The following OSTN variants were observed in gnomAD, a reference collection of about 807,000 sequenced individuals.
The protein encoded by OSTN is osteocrin.
Under a neutral mutation model 12.0 loss-of-function variants are expected in OSTN, and 9 were observed. The ratio of observed to expected loss-of-function variants is 0.75; its 90% confidence interval spans 0.45 to 1.30. The LOEUF is 1.30. OSTN is among the 50% of genes most tolerant of loss of function. OSTN has a pLI of 0.00. For synonymous variants in OSTN, 59 were observed against 56.9 expected (o/e 1.04, Z -0.16); for missense variants, 148 against 152.3 (o/e 0.97, Z 0.15).
rs145310617 is a variant in OSTN at position 191,222,694 on chromosome 3, C to A, written c.317+3733C>A. Among the ~76,000 whole-genome samples the A allele has an allele frequency of 1.7e-3, 256 of 152,052 alleles. 1 individual carries two copies. The highest frequency in any genetic ancestry group is 5.7e-3 in the African/African-American group (237 of 41,476). On this transcript the variant is annotated intron_variant, in intron 3 of 4. Transcript: ENST00000682035. Reference sequence around the variant, plus strand: ...GGAAGATATGAGATTTGGGAGGGGCCAGGGATGGAATTATATGGTTTGTCT... The same window carrying A: ...GGAAGATATGAGATTTGGGAGGGGCAAGGGATGGAATTATATGGTTTGTCT...
rs748248199 is a variant in OSTN, at chr3:191,250,108, A to C, written c.389A>C (p.Asn130Thr). The change falls in exon 4 of 5, where the codon AAT becomes ACT. Residue 130 changes from asparagine to threonine, a missense_variant. By Grantham distance (65) the Asn-to-Thr change is moderately conservative. Transcript: ENST00000682035. ...MDRIGRNRLS[N>T]SRG ...CGGATTGGTAGAAACCGGCTTTCAA[A>C]TTCCAGAGGCTAATTGATTCCAATT... 1.9e-6 allele frequency: 3 copies of C among 1,611,540 alleles called. No homozygotes were observed. Among genetic ancestry groups the C allele is most frequent in the South Asian group, 2.2e-5 (2 of 91,030 alleles).
At chr3:191,243,006 C>T (rs1017567100) in intron 3 of OSTN, among the ~76,000 whole-genome samples, 2 of 150,608 alleles carry the variant, frequency 1.3e-5, no homozygotes, top group African/African-American at 4.9e-5. Flanking sequence ...CAGATTCAAA[C>T]AGGCACTTTC....
intron 3 of OSTN, among the ~76,000 whole-genome samples, chr3:191,249,507 C>T (rs1282636380): frequency 6.6e-6 from 1 of 151,914 alleles, no homozygotes; most frequent in Admixed American, 6.6e-5. Context: ...AAATGTCGAC[C>T]ATCACATACA....
intron 2 of OSTN, among the ~76,000 whole-genome samples, chr3:191,214,860 A>T (rs1714566666): frequency 6.6e-6 from 1 of 152,132 alleles, no homozygotes; most frequent in Non-Finnish European, 1.5e-5. Context: ...CAAAAATGCA[A>T]AATTAGCTGG....
chr3:191,258,555 C>A (rs1715728038), intron 4 of OSTN, among the ~76,000 whole-genome samples: 1 of 151,680 alleles, frequency 6.6e-6, no homozygotes, highest in South Asian at 2.1e-4. Context: ...GGGTTTAAAA[C>A]CTAGATGACG....
intron 3 of OSTN, among the ~76,000 whole-genome samples, chr3:191,248,803 A>G (rs1429162619): frequency 6.6e-6 from 1 of 152,168 alleles, no homozygotes; most frequent in Non-Finnish European, 1.5e-5. Context: ...AAAAAAATTA[A>G]TCAGACATGG....
chr3:191,199,678 A>C (rs923035364), intron 1 of OSTN, among the ~76,000 whole-genome samples: 1 of 152,090 alleles, frequency 6.6e-6, no homozygotes, highest in Admixed American at 6.6e-5. Context: ...CAACCTAGGT[A>C]AAAAAGAAAG....
chr3:191,219,621 A>G (rs974388627), intron 3 of OSTN, among the ~76,000 whole-genome samples: 5 of 152,216 alleles, frequency 3.3e-5, no homozygotes, highest in African/African-American at 1.2e-4. Context: ...AATTTAAAGT[A>G]ATCATTCCAA....
At chr3:191,246,040 C>A (rs1217579342) in intron 3 of OSTN, among the ~76,000 whole-genome samples, 3 of 132,408 alleles carry the variant, frequency 2.3e-5, no homozygotes, top group Non-Finnish European at 4.6e-5. Flanking sequence ...GCACTCCAGC[C>A]TGGGCAATAA....
intron 4 of OSTN, among the ~76,000 whole-genome samples, chr3:191,250,578 C>T (rs1337745847): frequency 6.6e-6 from 1 of 152,184 alleles, no homozygotes; most frequent in Non-Finnish European, 1.5e-5. Flanking sequence ...GGAGAAAATG[C>T]ACAGCAGAAA....
chr3:191,232,894 T>A (rs1018870614), intron 3 of OSTN, among the ~76,000 whole-genome samples: 1 of 152,096 alleles, frequency 6.6e-6, no homozygotes, highest in African/African-American at 2.4e-5. Context: ...GGATTACTGG[T>A]GTGAGCCACT....
intron 4 of OSTN, among the ~76,000 whole-genome samples, chr3:191,255,497 T>C (rs1715650829): frequency 6.6e-6 from 1 of 152,190 alleles, no homozygotes; most frequent in African/African-American, 2.4e-5. Flanking sequence ...TCCACTCAAA[T>C]CCTTGATGAA....
chr3:191,263,534 GT>G lies in OSTN; in HGVS notation c.*682del, dbSNP rs1715855423. 6.6e-6 allele frequency: 1 copy of G among 152,152 alleles called. No homozygotes were observed. Among genetic ancestry groups the G allele is most frequent in the Non-Finnish European group, 1.5e-5 (1 of 68,018 alleles). The allele number at this position is 152,152 out of a possible 1,614,324, so 9.4% of individuals were successfully genotyped here. ...AATTCTGACAGTTAAGAGCAGTAGT[GT>G]CTCATTAGGAGGGGAGTAAGCTCAC... On this transcript the variant is annotated 3_prime_UTR_variant, in exon 5 of 5. Transcript: ENST00000682035.
intron 3 of OSTN, among the ~76,000 whole-genome samples, chr3:191,231,907 G>T (rs1314623384): frequency 4.6e-5 from 7 of 152,000 alleles, no homozygotes; most frequent in African/African-American, 2.4e-5. Context: ...GAGTTCAAAG[G>T]TTAGCCACTG....
intron 4 of OSTN, among the ~76,000 whole-genome samples, chr3:191,259,216 A>C: frequency 7.5e-6 from 1 of 134,172 alleles, no homozygotes; most frequent in South Asian, 2.3e-4. Flanking sequence ...TTTTTTTGAG[A>C]CAGACTCTTG....
intron 3 of OSTN, among the ~76,000 whole-genome samples, chr3:191,238,315 A>C (rs73890440): frequency 0.012 from 1,761 of 152,244 alleles, 41 homozygotes; most frequent in African/African-American, 0.041. Context: ...GGGTGTTTTC[A>C]AGGGGAAAGA....
intron 3 of OSTN, among the ~76,000 whole-genome samples, chr3:191,238,589 A>C (rs986269707): frequency 3.3e-5 from 5 of 152,216 alleles, no homozygotes; most frequent in African/African-American, 9.7e-5. Flanking sequence ...AAACAAAAGG[A>C]AGGCAGTAGT....
At chr3:191,252,551 G>C (rs547920758) in intron 4 of OSTN, among the ~76,000 whole-genome samples, 9 of 152,218 alleles carry the variant, frequency 5.9e-5, no homozygotes, top group African/African-American at 1.7e-4. Context: ...AAAATCTCAA[G>C]GTGAGAATAT....
intron 4 of OSTN, among the ~76,000 whole-genome samples, chr3:191,260,007 A>C (rs1460918637): frequency 3.0e-4 from 44 of 147,804 alleles, no homozygotes; most frequent in Non-Finnish European, 5.2e-4. Context: ...GGCACACACC[A>C]TGCCCGGCTA....
Sources: allele counts gnomAD v4.1 joint callset (sites outside exome capture counted in the v4.1 genomes callset), GRCh38; gene constraint gnomAD v4.1.1; transcripts MANE v1.5; gene names NCBI Gene and HGNC (gene_info 2026-07-23, HGNC 2026-07-21).